The following TRIM24 variants were observed in gnomAD, a reference collection of about 807,000 sequenced individuals.
TRIM24 encodes transcription intermediary factor 1-alpha.
TRIM24 carries 29 observed loss-of-function variants against 123.9 expected under a neutral mutation model. That is an observed-to-expected ratio of 0.23 (90% confidence interval 0.17 to 0.32). The LOEUF (loss-of-function observed/expected upper bound fraction) is 0.32, where lower values mean the gene tolerates loss of function less well. Among genes scored for constraint, TRIM24 ranks in the 10% least tolerant of loss-of-function variants. The probability of loss-of-function intolerance (pLI) is 1.00; values close to 1 mark genes in which losing one functional copy is unlikely to be tolerated. For synonymous variants in TRIM24, 456 were observed against 461.1 expected (o/e 0.99, Z 0.14); for missense variants, 932 against 1,295.3 (o/e 0.72, Z 4.31).
intron 1 of TRIM24, among the ~76,000 whole-genome samples, chr7:138,473,755 G>T (rs1795329317): frequency 6.6e-6 from 1 of 152,150 alleles, no homozygotes; most frequent in Admixed American, 6.6e-5. Flanking sequence ...TAGTCAGTAT[G>T]TTATAGCCAT....
intron 1 of TRIM24, among the ~76,000 whole-genome samples, chr7:138,480,245 T>G (rs1040594336): frequency 1.4e-4 from 22 of 152,216 alleles, no homozygotes; most frequent in Non-Finnish European, 2.5e-4. Flanking sequence ...AATACAGGCG[T>G]GAGGCACTGC....
chr7:138,576,309 T>G (rs1797757306), intron 12 of TRIM24, 64 bp from the exon 13 acceptor site: 1 of 1,450,018 alleles, frequency 6.9e-7, no homozygotes, highest in African/African-American at 1.4e-5. Context: ...GTGAACACAT[T>G]CAACAGGACT....
chr7:138,549,801 G>A lies in TRIM24; in HGVS notation c.1144-1262G>A, dbSNP rs369641757. ...GATCCAGTAAAATGGGAAAATTGGT[G>A]TTAACAGAAGAGGGATGAAAATTAC... is the stretch of plus-strand genomic sequence containing the variant. On this transcript the variant is annotated intron_variant, in intron 7 of 18. Coordinates refer to ENST00000343526, the MANE Select transcript of TRIM24 (RefSeq NM_015905.3). 4.8e-4 allele frequency among the ~76,000 whole-genome samples: 73 copies of A among 152,258 alleles called. 3 individuals are homozygous for A. The South Asian group carries it at 0.015, about 31-fold the overall frequency.
At chr7:138,519,144 C>A (rs936426619) in intron 3 of TRIM24, 45 bp from the exon 4 acceptor site, 3 of 1,609,934 alleles carry the variant, frequency 1.9e-6, no homozygotes, top group African/African-American at 2.7e-5. Context: ...ATTTACTATT[C>A]AATTATGTTA....
intron 6 of TRIM24, among the ~76,000 whole-genome samples, chr7:138,538,360 A>T (rs754066835): frequency 7.2e-5 from 11 of 152,212 alleles, no homozygotes; most frequent in Non-Finnish European, 1.5e-4. Context: ...ATAGACATTT[A>T]CTGTACTATA....
At chr7:138,491,572 A>G (rs1293673970) in intron 1 of TRIM24, among the ~76,000 whole-genome samples, 4 of 151,746 alleles carry the variant, frequency 2.6e-5, no homozygotes, top group African/African-American at 9.7e-5. Flanking sequence ...CATTTTATTT[A>G]CACATTGATC....
chr7:138,557,622 A>C (rs117730721), intron 9 of TRIM24, among the ~76,000 whole-genome samples: 2,953 of 152,216 alleles, frequency 0.019, 62 homozygotes, highest in Middle Eastern at 0.051. Context: ...AACATGGGCT[A>C]ATTTTTGGAT....
Position 138,573,554 on chromosome 7 carries a change from T to C in TRIM24, c.1926T>C (p.Asp642=), listed in dbSNP as rs747847484. ...TIMLDNIVRK[D]TNIDHGQPRP... Reference sequence around the variant, plus strand: ...TGCTGGACAATATTGTGAGGAAAGATACTAATATAGATCATGGCCAGCCAA... The same window carrying C: ...TGCTGGACAATATTGTGAGGAAAGACACTAATATAGATCATGGCCAGCCAA... Residue 642 remains aspartate, a synonymous_variant, in exon 12 of 19, where the codon GAT becomes GAC. Transcript: ENST00000343526. 1 of 1,613,886 alleles carries C rather than the reference T, an allele frequency of 6.2e-7. No individual in the cohort carries two copies. Among genetic ancestry groups the C allele is most frequent in the East Asian group, 2.2e-5 (1 of 44,866 alleles).
chr7:138,558,972 G>T (rs947280455), intron 9 of TRIM24, among the ~76,000 whole-genome samples: 1 of 152,168 alleles, frequency 6.6e-6, no homozygotes, highest in Non-Finnish European at 1.5e-5. Flanking sequence ...GCCCTGTGGG[G>T]CCAATGATAA....
intron 12 of TRIM24, 26 bp downstream of exon 12, chr7:138,573,668 G>A: frequency 6.3e-7 from 1 of 1,582,832 alleles, no homozygotes; most frequent in Non-Finnish European, 8.5e-7. Flanking sequence ...TTTGATTTTT[G>A]TGAAAGTTTT....
intron 1 of TRIM24, among the ~76,000 whole-genome samples, chr7:138,489,497 T>A (rs575634873): frequency 5.3e-5 from 8 of 152,332 alleles, no homozygotes; most frequent in Non-Finnish European, 1.0e-4. Context: ...AGTTGTTCCT[T>A]TCCATGTTTA....
Position 138,589,101 on chromosome 7 carries a change from A to C in TRIM24, c.*4150A>C, listed in dbSNP as rs560775860. 1.3e-5 allele frequency: 2 copies of C among 150,342 alleles called. No homozygotes were observed. Among genetic ancestry groups the C allele is most frequent in the African/African-American group, 4.8e-5 (2 of 41,364 alleles). 9.3% of individuals were successfully genotyped at this position (150,342 alleles called of 1,614,324 possible). On this transcript the variant is annotated 3_prime_UTR_variant, in exon 19 of 19. Coordinates refer to ENST00000343526, the MANE Select transcript of TRIM24 (RefSeq NM_015905.3). ...TTTGAATAACCATGTACATATTTTT[A>C]AAAGTATTTTATAGCCCTATGTAAA...
At chr7:138,467,834 G>A (rs1424616968) in intron 1 of TRIM24, among the ~76,000 whole-genome samples, 4 of 151,538 alleles carry the variant, frequency 2.6e-5, no homozygotes, top group African/African-American at 2.4e-5. Flanking sequence ...CAAACTGTTG[G>A]TAGTATATTG....
In TRIM24 at chr7:138,512,365, G is replaced by T. The variant is rs561033878; in HGVS notation, c.484-2847G>T. 2.0e-5 allele frequency among the ~76,000 whole-genome samples: 3 copies of T among 152,318 alleles called. No individual in the cohort carries two copies. The South Asian group carries it at 6.2e-4, about 32-fold the overall frequency. On this transcript the variant is annotated intron_variant, in intron 2 of 18. Coordinates refer to ENST00000343526, the MANE Select transcript of TRIM24 (RefSeq NM_015905.3). ...TTGGGAGGGCCCCAGTGGTGACTCT[G>T]TGTGGGTGCTCCAGCCCCACATTTC...
chr7:138,495,380 A>C (rs922064966), intron 1 of TRIM24, among the ~76,000 whole-genome samples: 1 of 152,144 alleles, frequency 6.6e-6, no homozygotes, highest in African/African-American at 2.4e-5. Flanking sequence ...AGTCTGTTTC[A>C]ACTAATGCAT....
At chr7:138,576,566 A>T in intron 13 of TRIM24, 121 bp downstream of exon 13, 3 of 731,154 alleles carry the variant, frequency 4.1e-6, no homozygotes, top group Non-Finnish European at 6.3e-6. Flanking sequence ...TTTTAATTAA[A>T]ATTTTAATAA....
chr7:138,468,020 A>T (rs1324027102), intron 1 of TRIM24, among the ~76,000 whole-genome samples: 1 of 152,150 alleles, frequency 6.6e-6, no homozygotes, highest in Admixed American at 6.5e-5. Context: ...AAGGACTCCA[A>T]TACAATATTG....
At chr7:138,480,053 A>G (rs1795494186) in intron 1 of TRIM24, among the ~76,000 whole-genome samples, 1 of 152,168 alleles carries the variant, frequency 6.6e-6, no homozygotes, top group Non-Finnish European at 1.5e-5. Flanking sequence ...TCCTGAACTC[A>G]GGTGATCCAC....
chr7:138,512,685 G>A (rs915290391), intron 2 of TRIM24, among the ~76,000 whole-genome samples: 1 of 152,094 alleles, frequency 6.6e-6, no homozygotes, highest in African/African-American at 2.4e-5. Context: ...CTTCTCAGGG[G>A]AGTGAGCCCC....
Sources: gnomAD v4.1 joint callset for allele counts (sites outside exome capture counted in the v4.1 genomes callset) on GRCh38, gnomAD v4.1.1 for gene constraint, MANE v1.5 for transcripts, NCBI Gene and HGNC (gene_info 2026-07-23, HGNC 2026-07-21) for gene names.